The following NAV2 variants were observed in gnomAD, a reference collection of about 807,000 sequenced individuals.
NAV2 encodes neuron navigator 2.
In NAV2, 54 loss-of-function variants were observed where a neutral mutation model predicts 223.2. That is an observed-to-expected ratio of 0.24 (90% CI 0.19 to 0.30). NAV2 has a LOEUF of 0.30. Ranked by LOEUF, NAV2 falls within the 10% of genes least tolerant of loss-of-function variation. NAV2 has a pLI of 1.00. For missense variants in NAV2, 2,806 were observed against 3,147.5 expected (o/e 0.89, Z 2.60); for synonymous variants, 1,279 against 1,239.3 (o/e 1.03, Z -0.67).
In NAV2 at chr11:19,973,042, A is replaced by G. The variant is rs540089227; in HGVS notation, c.2646-11083A>G. ...CTTTTTGCCTTTGTCTACAGCAGGG[A>G]TTGTCTCACAATTACAAATTAGTCG... is the stretch of plus-strand genomic sequence containing the variant. On this transcript the variant is annotated intron_variant, in intron 10 of 37. Coordinates refer to ENST00000349880, the MANE Select transcript of NAV2 (RefSeq NM_145117.5). 3.3e-5 allele frequency among the ~76,000 whole-genome samples: 5 copies of G among 152,238 alleles called. No individual in the cohort carries two copies. The East Asian group carries it at 9.7e-4, about 29-fold the overall frequency.
At chr11:19,516,282 A>G (rs1034391867) in intron 1 of NAV2, among the ~76,000 whole-genome samples, 46 of 152,172 alleles carry the variant, frequency 3.0e-4, no homozygotes, top group African/African-American at 1.1e-3. Flanking sequence ...TCCTAAGCCA[A>G]TGGTGTAGTA....
chr11:19,466,093 G>A (rs1018781215), intron 1 of NAV2, among the ~76,000 whole-genome samples: 5 of 152,322 alleles, frequency 3.3e-5, no homozygotes, highest in South Asian at 2.1e-4. Context: ...GAGTGATGAC[G>A]ATGATAATGT....
chr11:19,625,565 G>T (rs1011320728), intron 1 of NAV2, among the ~76,000 whole-genome samples: 2 of 152,078 alleles, frequency 1.3e-5, no homozygotes, highest in South Asian at 4.1e-4. Flanking sequence ...TTGGTGAAAT[G>T]CCCAGTAGCA....
chr11:19,394,823 G>A (rs1270501511), intron 1 of NAV2, among the ~76,000 whole-genome samples: 1 of 152,126 alleles, frequency 6.6e-6, no homozygotes, highest in Non-Finnish European at 1.5e-5. Context: ...CGGGGATTGA[G>A]GCCTCATCAC....
chr11:20,043,359 A>G (rs1218629187), intron 12 of NAV2, among the ~76,000 whole-genome samples: 1 of 152,142 alleles, frequency 6.6e-6, no homozygotes, highest in Non-Finnish European at 1.5e-5. Flanking sequence ...CTGCATCTCC[A>G]TCTGCTCTGC....
chr11:19,692,938 G>A (rs1025621922), intron 1 of NAV2, among the ~76,000 whole-genome samples: 1 of 152,242 alleles, frequency 6.6e-6, no homozygotes, highest in African/African-American at 2.4e-5. Context: ...TCCAAACCGA[G>A]GGAACAGGGC....
intron 1 of NAV2, among the ~76,000 whole-genome samples, chr11:19,733,373 G>C (rs2051991064): frequency 6.6e-6 from 1 of 152,228 alleles, no homozygotes; most frequent in Admixed American, 6.5e-5. Flanking sequence ...GTAAATGATA[G>C]CTCCAGGTTT....
rs192350240 is a variant in NAV2, at chr11:19,704,867, C to T, written c.76-127617C>T. ...CTCTACTAAAAATACAAAAATTAGC[C>T]GGGCGTCGTGGCGGGCGCCTGTAGT... On this transcript the variant is annotated intron_variant, in intron 1 of 37. Transcript: ENST00000360655. Among the ~76,000 whole-genome samples, 551 of 151,726 alleles carry T rather than the reference C, an allele frequency of 3.6e-3. 2 individuals are homozygous for T. The highest frequency in any genetic ancestry group is 0.013 in the African/African-American group (530 of 41,414).
At chr11:19,422,565 A>G (rs1270038998) in intron 1 of NAV2, among the ~76,000 whole-genome samples, 1 of 150,698 alleles carries the variant, frequency 6.6e-6, no homozygotes, top group Non-Finnish European at 1.5e-5. Context: ...AGCCGCCCAT[A>G]AGGCCCTTCT....
intron 1 of NAV2, among the ~76,000 whole-genome samples, chr11:19,557,313 T>A (rs540150270): frequency 3.3e-4 from 51 of 152,326 alleles, no homozygotes; most frequent in African/African-American, 1.2e-3. Flanking sequence ...AACCGAGGTG[T>A]ATCATTCAAA....
At chr11:19,430,285 G>C (rs1850993897) in intron 1 of NAV2, among the ~76,000 whole-genome samples, 1 of 152,220 alleles carries the variant, frequency 6.6e-6, no homozygotes, top group African/African-American at 2.4e-5. Context: ...CCTAGAGTCA[G>C]CTCTTCCATG....
chr11:20,026,125 C>T (rs1240485970), intron 11 of NAV2, among the ~76,000 whole-genome samples: 1 of 152,048 alleles, frequency 6.6e-6, no homozygotes, highest in East Asian at 1.9e-4. Flanking sequence ...CATTTGGAGC[C>T]TCCTGGTATT....
At chr11:19,724,359 A>G (rs117834720) in intron 1 of NAV2, among the ~76,000 whole-genome samples, 239 of 152,274 alleles carry the variant, frequency 1.6e-3, no homozygotes, top group Non-Finnish European at 2.7e-3. Flanking sequence ...TAAAATGAGT[A>G]TCTTTTTTTA....
At chr11:19,636,445 T>C (rs1452678127) in intron 1 of NAV2, among the ~76,000 whole-genome samples, 1 of 152,032 alleles carries the variant, frequency 6.6e-6, no homozygotes. Flanking sequence ...GATTCAAGTC[T>C]GTGCATGCAA....
chr11:19,943,690 A>G (rs1256941523), intron 8 of NAV2, among the ~76,000 whole-genome samples: 1 of 152,078 alleles, frequency 6.6e-6, no homozygotes, highest in African/African-American at 2.4e-5. Context: ...CTTGATGTCT[A>G]ATGTAAATTC....
At chr11:19,651,209 A>C (rs2047960825) in intron 1 of NAV2, among the ~76,000 whole-genome samples, 1 of 152,132 alleles carries the variant, frequency 6.6e-6, no homozygotes, top group African/African-American at 2.4e-5. Flanking sequence ...CCCTCTTGAC[A>C]CACTTCAAGA....
intron 1 of NAV2, chr11:19,507,115 G>C (rs1287721204): frequency 1.3e-5 from 2 of 152,248 alleles, no homozygotes; most frequent in Non-Finnish European, 2.9e-5. Context: ...TCCAAGGAAG[G>C]AAAGGGATGT....
At chr11:20,018,768 T>C (rs1463727072) in intron 11 of NAV2, among the ~76,000 whole-genome samples, 2 of 152,158 alleles carry the variant, frequency 1.3e-5, no homozygotes, top group Non-Finnish European at 2.9e-5. Flanking sequence ...ATGTGTTGAC[T>C]GGTTGATGCC....
At chr11:19,729,724 G>A (rs188799805) in intron 1 of NAV2, among the ~76,000 whole-genome samples, 221 of 152,318 alleles carry the variant, frequency 1.5e-3, no homozygotes, top group African/African-American at 4.8e-3. Flanking sequence ...ATTAGGGGCT[G>A]TGTTGGCTGA....
Sources: gnomAD v4.1 joint callset for allele counts (sites outside exome capture counted in the v4.1 genomes callset) on GRCh38, gnomAD v4.1.1 for gene constraint, MANE v1.5 for transcripts, NCBI Gene and HGNC (gene_info 2026-07-23, HGNC 2026-07-21) for gene names.